SOX5: variants seen among roughly 807,000 people sequenced by gnomAD.
SOX5 encodes SRY-box transcription factor 5, also known as transcription factor SOX-5.
SOX5 carries 9 observed loss-of-function variants against 92.0 expected under a neutral mutation model. The observed-to-expected ratio is 0.10, with a 90% CI of 0.06 to 0.17. The LOEUF (loss-of-function observed/expected upper bound fraction) is 0.17. SOX5 is among the 10% of genes least tolerant of loss of function. The pLI, the probability that SOX5 is intolerant of heterozygous loss-of-function variation, is 1.00. For missense variants in SOX5, 642 were observed against 944.5 expected, an observed-to-expected ratio of 0.68 and a Z score of 4.20; for synonymous variants, 344 against 336.3, an observed-to-expected ratio of 1.02 and a Z score of -0.25.
At chr12:23,849,880 T>C (rs1324878767) in intron 2 of SOX5, among the ~76,000 whole-genome samples, 1 of 152,200 alleles carries the variant, frequency 6.6e-6, no homozygotes, top group African/African-American at 2.4e-5. Context: ...TCTATGTTTT[T>C]ATAACTATCT....
intron 1 of SOX5, among the ~76,000 whole-genome samples, chr12:24,443,755 A>G (rs1457133210): frequency 1.3e-5 from 2 of 152,346 alleles, no homozygotes; most frequent in African/African-American, 4.8e-5. Flanking sequence ...GAGCATTATC[A>G]ATGTAACAGG....
chr12:23,809,820 T>C (rs1008238189), intron 3 of SOX5, among the ~76,000 whole-genome samples: 1 of 150,858 alleles, frequency 6.6e-6, no homozygotes, highest in Non-Finnish European at 1.5e-5. Flanking sequence ...TAGACTCCAA[T>C]TGATAACAGA....
intron 2 of SOX5, among the ~76,000 whole-genome samples, chr12:24,286,481 A>G (rs1372298652): frequency 6.6e-6 from 1 of 152,208 alleles, no homozygotes; most frequent in African/African-American, 2.4e-5. Context: ...TGTCATTTGG[A>G]AGAGTAAGAC....
At chr12:23,733,394 CAATG>C (rs2093465394) in intron 6 of SOX5, among the ~76,000 whole-genome samples, 1 of 152,124 alleles carries the variant, frequency 6.6e-6, no homozygotes, top group Non-Finnish European at 1.5e-5. Flanking sequence ...ATATGAAGTT[CAATG>C]AACAGTTTTA....
intron 1 of SOX5, among the ~76,000 whole-genome samples, chr12:24,495,779 G>A (rs1426758422): frequency 6.6e-6 from 1 of 152,132 alleles, no homozygotes. Flanking sequence ...GTATATTTGA[G>A]AATAAAAATC....
intron 1 of SOX5, among the ~76,000 whole-genome samples, chr12:24,474,860 G>A (rs567633930): frequency 1.4e-4 from 20 of 145,370 alleles, no homozygotes; most frequent in Non-Finnish European, 2.1e-4. Context: ...CTTAGTGAGA[G>A]TTTTTTTTTG....
intron 4 of SOX5, among the ~76,000 whole-genome samples, chr12:24,083,722 G>A (rs1019075435): frequency 6.6e-6 from 1 of 152,070 alleles, no homozygotes; most frequent in African/African-American, 2.4e-5. Context: ...TGGGGTTTGG[G>A]AAAGAGTAGA....
rs998556848 is a variant in SOX5 at position 23,529,628 on chromosome 12, C to T, written c.*4591G>A. 1.3e-5 allele frequency: 2 copies of T among 152,000 alleles called. No homozygotes were observed. Among genetic ancestry groups the T allele is most frequent in the Non-Finnish European group, 2.9e-5 (2 of 67,984 alleles). The allele number at this position is 152,000 out of a possible 1,614,324, so 9.4% of individuals were successfully genotyped here. ...CGAAAAACAGGTTGGTGGCAACCCA[C>T]ATCTTTTTTTTAAGAGCACATAAAC... is the stretch of plus-strand genomic sequence containing the variant. On this transcript the variant is annotated 3_prime_UTR_variant, in exon 15 of 15. Transcript: ENST00000451604.
chr12:24,302,631 G>A (rs1210379304), intron 2 of SOX5, among the ~76,000 whole-genome samples: 1 of 151,946 alleles, frequency 6.6e-6, no homozygotes, highest in Non-Finnish European at 1.5e-5. Context: ...TGGGTAGTCA[G>A]AAACAAGGCA....
At chr12:23,765,154 A>G (rs2094680001) in intron 3 of SOX5, among the ~76,000 whole-genome samples, 1 of 151,960 alleles carries the variant, frequency 6.6e-6, no homozygotes, top group Non-Finnish European at 1.5e-5. Flanking sequence ...ATCTTTCTCA[A>G]CCAAAGTAGT....
At chr12:24,061,744 G>GAAAAAA (rs59840985) in intron 4 of SOX5, among the ~76,000 whole-genome samples, 1 of 81,092 alleles carries the variant, frequency 1.2e-5, no homozygotes, top group Non-Finnish European at 2.7e-5. Context: ...CAATATGACA[G>GAAAAAA]AAAAAAAAAA....
intron 3 of SOX5, among the ~76,000 whole-genome samples, chr12:23,827,930 A>T (rs2096258009): frequency 6.6e-6 from 1 of 152,154 alleles, no homozygotes; most frequent in South Asian, 2.1e-4. Context: ...CTGAACTATA[A>T]CCTCAAACTC....
At chr12:23,665,902 A>G (rs1249142882) in intron 6 of SOX5, among the ~76,000 whole-genome samples, 1 of 152,182 alleles carries the variant, frequency 6.6e-6, no homozygotes, top group Non-Finnish European at 1.5e-5. Context: ...TATCCCATAG[A>G]AGGAACTGAA....
intron 9 of SOX5, among the ~76,000 whole-genome samples, chr12:23,590,004 A>G (rs1456675612): frequency 2.6e-5 from 4 of 152,008 alleles, no homozygotes; most frequent in Non-Finnish European, 4.4e-5. Context: ...GTGTTTGTGC[A>G]GTGGGGTGAC....
intron 6 of SOX5, among the ~76,000 whole-genome samples, chr12:23,715,802 A>C (rs1181993540): frequency 1.5e-5 from 2 of 134,526 alleles, no homozygotes; most frequent in Admixed American, 1.5e-4. Context: ...AAAGAGTAGT[A>C]ATTTCCCAAA....
At chr12:23,995,526 T>C (rs1950949315) in intron 4 of SOX5, among the ~76,000 whole-genome samples, 1 of 152,102 alleles carries the variant, frequency 6.6e-6, no homozygotes, top group Non-Finnish European at 1.5e-5. Context: ...TGAGACTCTG[T>C]GTCTACAAAA....
chr12:24,195,107 C>T (rs1956885702), intron 4 of SOX5, among the ~76,000 whole-genome samples: 1 of 148,222 alleles, frequency 6.7e-6, no homozygotes, highest in Admixed American at 6.8e-5. Context: ...AAGCAATTAT[C>T]TACTAGTTGC....
intron 1 of SOX5, among the ~76,000 whole-genome samples, chr12:24,397,230 T>A (rs147025298): frequency 6.6e-6 from 1 of 152,038 alleles, no homozygotes; most frequent in African/African-American, 2.4e-5. Context: ...TTTTGACAAG[T>A]CAAACCAGAA....
intron 4 of SOX5, among the ~76,000 whole-genome samples, chr12:24,117,297 A>G (rs1271041761): frequency 6.6e-6 from 1 of 152,220 alleles, no homozygotes; most frequent in Admixed American, 6.5e-5. Flanking sequence ...GCTGCTATCT[A>G]TAATACAAAT....
Sources: gnomAD v4.1 joint callset for allele counts (sites outside exome capture counted in the v4.1 genomes callset) on GRCh38, gnomAD v4.1.1 for gene constraint, MANE v1.5 for transcripts, NCBI Gene and HGNC (gene_info 2026-07-23, HGNC 2026-07-21) for gene names.